Variants in SPEG observed in about 807,000 individuals in gnomAD.
SPEG encodes striated muscle enriched protein kinase, also known as striated muscle preferentially expressed protein kinase.
In SPEG, 114 loss-of-function variants were observed where a neutral mutation model predicts 300.4. That is an observed-to-expected ratio of 0.38 (90% CI 0.33 to 0.44). The LOEUF (loss-of-function observed/expected upper bound fraction) is 0.44, where lower values mean the gene tolerates loss of function less well. SPEG is among the 20% of genes least tolerant of loss of function. SPEG has a pLI of 1.00. For missense variants in SPEG, 4,201 were observed against 4,586.2 expected (o/e 0.92, Z 2.43); for synonymous variants, 1,964 against 2,018.9 (o/e 0.97, Z 0.73).
At position 219,491,876 on chromosome 2, in the gene SPEG, G is replaced by T; in HGVS notation, c.9461+7G>T. 6.3e-7 allele frequency: 1 copy of T among 1,594,302 alleles called. No homozygotes were observed. Among genetic ancestry groups the T allele is most frequent in the Non-Finnish European group, 8.6e-7 (1 of 1,167,714 alleles). ...GTGTGCTCACTTACATTATGTGAGT[G>T]TCCCCTACCCCACCGCAGCCCTCTC... On this transcript the variant is annotated splice_region_variant and intron_variant, in intron 39 of 40. Transcript: ENST00000312358.
At position 219,476,749 on chromosome 2, in the gene SPEG, C is replaced by G. The variant is rs182975960; in HGVS notation, c.4448-121C>G. 3,889 of 568,508 alleles carry G rather than the reference C, an allele frequency of 6.8e-3. 75 individuals are homozygous for G. Among genetic ancestry groups the G allele is most frequent in the East Asian group, 0.053 (1,701 of 32,070 alleles). 35.2% of individuals were successfully genotyped at this position (568,508 alleles called of 1,614,324 possible). ...TGGGGGGTGGTGGCTTGCAGGGAGG[C>G]GGGGGTCTAGCGTTCTGACTGAGCC... On this transcript the variant is annotated intron_variant, in intron 18 of 40. Transcript: ENST00000312358.
Position 219,477,551 on chromosome 2 carries a change from ACC to A in SPEG, c.4729+110_4729+111del. On this transcript the variant is annotated intron_variant, in intron 20 of 40. Transcript: ENST00000312358. The surrounding 1 kb of genome is among the most constrained non-coding windows in gnomAD (Gnocchi z 6.4). The stretch of plus-strand genomic sequence containing the variant: ...GCCAGCCCTGGACTCGAGCCACCAC[ACC>A]CCCAGCCCAGCACCCCGCCTTGAGC... 7.2e-7 allele frequency: 1 copy of A among 1,392,004 alleles called. No individual in the cohort carries two copies. Among genetic ancestry groups the A allele is most frequent in the Non-Finnish European group, 9.7e-7 (1 of 1,033,358 alleles). 86.2% of individuals were successfully genotyped at this position (1,392,004 alleles called of 1,614,324 possible).
chr2:219,444,828 G>C lies in SPEG; in HGVS notation c.482G>C (p.Gly161Ala). ...DDGAFSTPTG[G>A]SDTLVGTSLD... ...CTCACGGTGCTCCTTTCTCTAGGGGGTTCTGACACCCTGGTGGGCACCTCC... is the reference window on the plus strand; with the variant it reads ...CTCACGGTGCTCCTTTCTCTAGGGGCTTCTGACACCCTGGTGGGCACCTCC... Residue 161 changes from glycine (G) to alanine (A), a missense_variant, in exon 3 of 41, where the codon GGT becomes GCT. By Grantham distance (60) the Gly-to-Ala change is moderately conservative (BLOSUM62 0). Transcript: ENST00000312358. This position sits in a 1 kb window ranked among gnomAD's most constrained non-coding sequence, Gnocchi z 7.8. The C allele has an allele frequency of 6.3e-7, 1 of 1,591,844 alleles. No individual in the cohort carries two copies. The highest frequency in any genetic ancestry group is 8.6e-7 in the Non-Finnish European group (1 of 1,167,858).
In SPEG at chr2:219,434,892, C is replaced by G. The variant is rs1194945434; in HGVS notation, c.-86C>G. The G allele has an allele frequency of 5.2e-6, 5 of 965,906 alleles. No homozygotes were observed. Among genetic ancestry groups the G allele is most frequent in the Non-Finnish European group, 7.3e-6 (5 of 688,452 alleles). The allele number at this position is 965,906 out of a possible 1,614,324, so 59.8% of individuals were successfully genotyped here. A position where few individuals can be genotyped will look rare whatever the true frequency, so the allele number is the denominator to read the frequency against. ...AGCAGGAAGGCAGGCCGCCGGCCCC[C>G]CAGACTTGTCTCCTAGGGCACCGTC... On this transcript the variant is annotated 5_prime_UTR_variant, in exon 1 of 41. Transcript: ENST00000312358.
rs1254332085 is a variant in SPEG at position 219,451,298 on chromosome 2, C to A, written c.2257+19C>A. ...CCCCAAGGTGAGCTCCAGCACTGGG[C>A]CAAGGTGCGGTCGAGGTTGGGAGGG... is the stretch of plus-strand genomic sequence containing the variant. On this transcript the variant is annotated intron_variant, in intron 5 of 40. Coordinates refer to ENST00000312358, the MANE Select transcript of SPEG (RefSeq NM_005876.5). This position sits in a 1 kb window ranked among gnomAD's most constrained non-coding sequence, Gnocchi z 6.4. 1.3e-6 allele frequency: 2 copies of A among 1,592,770 alleles called. No homozygotes were observed. The highest frequency in any genetic ancestry group is 4.5e-5 in the East Asian group (2 of 44,298).
At chr2:219,442,688 C>T (rs1258699565) in intron 1 of SPEG, among the ~76,000 whole-genome samples, 1 of 142,728 alleles carries the variant, frequency 7.0e-6, no homozygotes, top group East Asian at 2.3e-4. Flanking sequence ...TCCTCCATCT[C>T]CCAGTCACTC....
At chr2:219,472,480 T>C in intron 15 of SPEG, 149 bp downstream of exon 15, 1 of 670,612 alleles carries the variant, frequency 1.5e-6, no homozygotes, top group Non-Finnish European at 2.5e-6. Flanking sequence ...GCCCGTCTTC[T>C]CTCCACGTTG....
Position 219,473,353 on chromosome 2 carries a change from T to C in SPEG, c.4148-151T>C, listed in dbSNP as rs1321859116. On this transcript the variant is annotated intron_variant, in intron 16 of 40. Transcript: ENST00000312358. The surrounding 1 kb of genome is among the most constrained non-coding windows in gnomAD (Gnocchi z 4.6). The stretch of plus-strand genomic sequence containing the variant: ...TCAGCTTTGCTGCTCTCTGGCTGTG[T>C]TCCCCTGACAAATCGCTAAACCTCT... The C allele has an allele frequency of 2.4e-6, 2 of 850,336 alleles. No homozygotes were observed. The highest frequency in any genetic ancestry group is 3.7e-6 in the Non-Finnish European group (2 of 545,202). 52.7% of individuals were successfully genotyped at this position (850,336 alleles called of 1,614,324 possible). A position where few individuals can be genotyped will look rare whatever the true frequency, so the allele number is the denominator to read the frequency against.
chr2:219,492,662 G>C lies in SPEG; in HGVS notation c.9680G>C (p.Arg3227Pro). 1 of 1,610,886 alleles carries C rather than the reference G, an allele frequency of 6.2e-7. No homozygotes were observed. Among genetic ancestry groups the C allele is most frequent in the African/African-American group, 1.3e-5 (1 of 75,042 alleles). ...WLQDAYLMKL[R>P]RQTLTFTTNR... is the part of the protein sequence containing the mutation. ...CAGGACGCCTACCTGATGAAGCTGC[G>C]CCGCCAGACGCTCACCTTCACCACC... is the stretch of plus-strand genomic sequence containing the variant. Residue 3227 changes from arginine (R) to proline (P), a missense_variant, in exon 41 of 41, where the codon CGC (arginine) becomes CCC (proline). Transcript: ENST00000312358.
Position 219,449,049 on chromosome 2 carries a change from C to G in SPEG, c.1891C>G (p.Arg631Gly). 4 of 1,518,140 alleles carry G rather than the reference C, an allele frequency of 2.6e-6. No individual in the cohort carries two copies. The highest frequency in any genetic ancestry group is 3.5e-6 in the Non-Finnish European group (4 of 1,132,844). 94.0% of individuals were successfully genotyped at this position (1,518,140 alleles called of 1,614,324 possible). The change falls in exon 4 of 41, where the codon CGG becomes GGG. Residue 631 changes from arginine to glycine, a missense_variant. Arg to Gly is a moderately radical substitution (Grantham distance 125). Coordinates refer to ENST00000312358, the MANE Select transcript of SPEG (RefSeq NM_005876.5). ...ARTKAPPGRK[R>G]EPPAQAVRFL... ...GACGAAAGCACCCCCCGGTCGGAAG[C>G]GGGAGCCCCCGGCGCAGGCCGTGCG...
At position 219,460,885 on chromosome 2, in the gene SPEG, C is replaced by T. The variant is rs1226147670; in HGVS notation, c.2441-997C>T. On this transcript the variant is annotated intron_variant, in intron 6 of 40. Coordinates refer to ENST00000312358, the MANE Select transcript of SPEG (RefSeq NM_005876.5). ...GCAGGCTGGACAGGCTGGGCTCCTG[C>T]TCCCTGGGGAGCCACGCTGGGGTGG... The T allele has an allele frequency of 8.1e-6, 8 of 986,034 alleles. No homozygotes were observed. In the Admixed American group the frequency reaches 3.1e-4, roughly 38 times the overall value. The allele number at this position is 986,034 out of a possible 1,614,324, so 61.1% of individuals were successfully genotyped here. A position where few individuals can be genotyped will look rare whatever the true frequency, so the allele number is the denominator to read the frequency against.
In SPEG at chr2:219,473,822, C is replaced by T. The variant is rs571668921; in HGVS notation, c.4366C>T (p.Arg1456Cys). Reference protein sequence around the residue: ...QYCLRICRVSRRDMGALTCTA... With the variant: ...QYCLRICRVSCRDMGALTCTA... ...CTGTCTTCGGATCTGCCGGGTGAGC[C>T]GCCGGGACATGGGGGCCCTCACCTG... is the stretch of plus-strand genomic sequence containing the variant. The change falls in exon 18 of 41, where the codon CGC (arginine) becomes TGC (cysteine). Residue 1456 changes from arginine to cysteine, a missense_variant. Physicochemically the swap from Arg to Cys is radical, Grantham distance 180. Coordinates refer to ENST00000312358, the MANE Select transcript of SPEG (RefSeq NM_005876.5). This position sits in a 1 kb window ranked among gnomAD's most constrained non-coding sequence, Gnocchi z 4.6. 1.3e-5 allele frequency: 21 copies of T among 1,613,750 alleles called. No individual in the cohort carries two copies. Among genetic ancestry groups the T allele is most frequent in the African/African-American group, 8.0e-5 (6 of 74,924 alleles).
chr2:219,489,874 T>A lies in SPEG; in HGVS notation c.8856T>A (p.Pro2952=). ...GCAGTCCCCGAAGCTCTCCCAGGCC[T>A]GAGGGTACCACTCTTCGACAGGGTC... ...PGSSPRSSPR[P]EGTTLRQGPP... is the part of the protein sequence containing the mutation. Residue 2952 remains proline, a synonymous_variant, in exon 36 of 41, where the codon CCT becomes CCA. Transcript: ENST00000312358. 2.5e-6 allele frequency: 4 copies of A among 1,609,098 alleles called. No individual in the cohort carries two copies. Among genetic ancestry groups the A allele is most frequent in the Non-Finnish European group, 3.4e-6 (4 of 1,176,690 alleles).
intron 31 of SPEG, among the ~76,000 whole-genome samples, chr2:219,487,437 G>A (rs929626691): frequency 9.2e-5 from 14 of 152,186 alleles, no homozygotes; most frequent in African/African-American, 3.1e-4. Context: ...TACATGCCTC[G>A]TAATTGTCAC....
Position 219,448,852 on chromosome 2 carries a change from G to T in SPEG, c.1694G>T (p.Gly565Val). The change falls in exon 4 of 41, where the codon GGG (glycine) becomes GTG (valine). Residue 565 changes from glycine to valine, a missense_variant. By Grantham distance (109) the Gly-to-Val change is moderately radical (BLOSUM62 -3). Coordinates refer to ENST00000312358, the MANE Select transcript of SPEG (RefSeq NM_005876.5). Reference protein sequence around the residue: ...PPSPSSAEKPGDEPGRPRSRG... With the variant: ...PPSPSSAEKPVDEPGRPRSRG... ...TCTCCGAGCAGCGCGGAGAAGCCGG[G>T]GGACGAGCCTGGGAGGCCCAGGAGC... 1 of 1,401,926 alleles carries T rather than the reference G, an allele frequency of 7.1e-7. No homozygotes were observed. The highest frequency in any genetic ancestry group is 9.2e-7 in the Non-Finnish European group (1 of 1,086,396). The allele number at this position is 1,401,926 out of a possible 1,614,324, so 86.8% of individuals were successfully genotyped here. A position where few individuals can be genotyped will look rare whatever the true frequency, so the allele number is the denominator to read the frequency against.
chr2:219,460,178 T>C, intron 6 of SPEG: 1 of 466,726 alleles, frequency 2.1e-6, no homozygotes, highest in Non-Finnish European at 2.8e-6. Context: ...TTAGGCCCTG[T>C]GGTGGCTGCT....
At position 219,451,254 on chromosome 2, in the gene SPEG, C is replaced by G. The variant is rs745836002; in HGVS notation, c.2232C>G (p.Ile744Met). 6.2e-7 allele frequency: 1 copy of G among 1,612,612 alleles called. No homozygotes were observed. Among genetic ancestry groups the G allele is most frequent in the African/African-American group, 1.3e-5 (1 of 75,010 alleles). ...GGGCAGATGTGCTGCTCAAGTGTAT[C>G]ATCACTGCCAACCCCCCGCCCCAAG... is the stretch of plus-strand genomic sequence containing the variant. ...APGADVLLKC[I>M]ITANPPPQVS... Residue 744 changes from isoleucine (I) to methionine (M), a missense_variant, in exon 5 of 41, where the codon ATC becomes ATG. Around this residue, in one of 4 missense-constraint regions of SPEG, gnomAD observed 1,258 missense variants for 1,293.9 expected, o/e 0.97. Transcript: ENST00000312358. This position sits in a 1 kb window ranked among gnomAD's most constrained non-coding sequence, Gnocchi z 6.4.
At position 219,458,844 on chromosome 2, in the gene SPEG, T is replaced by C. The variant is rs937364213; in HGVS notation, c.2441-3038T>C. Among the ~76,000 whole-genome samples, 6 of 152,112 alleles carry C rather than the reference T, an allele frequency of 3.9e-5. No individual in the cohort carries two copies. Among genetic ancestry groups the C allele is most frequent in the Non-Finnish European group, 7.4e-5 (5 of 68,014 alleles). ...TCTAATTCTGCAGGCTGGAGTAAGG[T>C]TGAGGAATCTATATTTTAAATAAGC... On this transcript the variant is annotated intron_variant, in intron 6 of 40. Coordinates refer to ENST00000312358, the MANE Select transcript of SPEG (RefSeq NM_005876.5). This position sits in a 1 kb window ranked among gnomAD's most constrained non-coding sequence, Gnocchi z 4.2.
chr2:219,451,928 T>G lies in SPEG; in HGVS notation c.2440+121T>G. ...GAGCTTGGGCACCCCGCCAGCATAC[T>G]TAGTCCATGCAGTCCCTTCTGGGTG... On this transcript the variant is annotated intron_variant, in intron 6 of 40. Transcript: ENST00000312358. This position sits in a 1 kb window ranked among gnomAD's most constrained non-coding sequence, Gnocchi z 6.4. 1.9e-6 allele frequency: 2 copies of G among 1,053,664 alleles called. No homozygotes were observed. The highest frequency in any genetic ancestry group is 2.8e-5 in the East Asian group (1 of 35,834). The allele number at this position is 1,053,664 out of a possible 1,614,324, so 65.3% of individuals were successfully genotyped here. A position where few individuals can be genotyped will look rare whatever the true frequency, so the allele number is the denominator to read the frequency against.
Sources: gnomAD v4.1 joint callset for allele counts (sites outside exome capture counted in the v4.1 genomes callset) on GRCh38, gnomAD v4.1.1 for gene constraint, gnomAD v4.1.1 regional missense constraint, Gnocchi (gnomAD v3.1) non-coding constraint, MANE v1.5 for transcripts, NCBI Gene and HGNC (gene_info 2026-07-23, HGNC 2026-07-21) for gene names.